The following PRKG1 variants were observed in gnomAD, a reference collection of about 807,000 sequenced individuals.
PRKG1 encodes protein kinase cGMP-dependent 1.
PRKG1 carries 35 observed loss-of-function variants against 88.1 expected under a neutral mutation model. The ratio of observed to expected loss-of-function variants is 0.40; its 90% CI spans 0.30 to 0.53. The LOEUF (loss-of-function observed/expected upper bound fraction) is 0.53, where lower values mean the gene tolerates loss of function less well. Ranked by LOEUF, PRKG1 falls within the 20% of genes least tolerant of loss-of-function variation. PRKG1 has a pLI of 0.59. For missense variants in PRKG1, 540 were observed against 839.8 expected, an observed-to-expected ratio of 0.64 and a Z score of 4.41; for synonymous variants, 303 against 292.5, an observed-to-expected ratio of 1.04 and a Z score of -0.37.
chr10:51,126,213 ATT>A (rs1845406114), intron 1 of PRKG1, among the ~76,000 whole-genome samples: 1 of 121,842 alleles, frequency 8.2e-6, no homozygotes, highest in Non-Finnish European at 1.6e-5. Context: ...ATTTATAATT[ATT>A]TATATATTTA....
chr10:51,788,475 C>A (rs909674107), intron 3 of PRKG1, among the ~76,000 whole-genome samples: 1 of 152,118 alleles, frequency 6.6e-6, no homozygotes, highest in African/African-American at 2.4e-5. Flanking sequence ...TAGAGAGCTC[C>A]TTTTCCTGGT....
chr10:51,524,036 A>C (rs574523334), intron 3 of PRKG1, among the ~76,000 whole-genome samples: 1 of 152,102 alleles, frequency 6.6e-6, no homozygotes, highest in East Asian at 1.9e-4. Context: ...GTGAGTTCTC[A>C]AGAGGTCTGG....
intron 7 of PRKG1, among the ~76,000 whole-genome samples, chr10:52,116,114 T>C (rs1205890979): frequency 6.6e-6 from 1 of 152,156 alleles, no homozygotes; most frequent in Middle Eastern, 3.2e-3. Context: ...CAGCCTGTGA[T>C]TGGCTGAAAG....
intron 5 of PRKG1, among the ~76,000 whole-genome samples, chr10:52,042,246 A>G (rs980031043): frequency 6.6e-6 from 1 of 152,208 alleles, no homozygotes; most frequent in Non-Finnish European, 1.5e-5. Context: ...ATATGGAACC[A>G]TGGAAGACCC....
intron 5 of PRKG1, among the ~76,000 whole-genome samples, chr10:51,952,250 G>A (rs956631034): frequency 1.3e-5 from 2 of 152,146 alleles, no homozygotes; most frequent in Non-Finnish European, 2.9e-5. Flanking sequence ...CTGCTTGCCC[G>A]ACCTACTAAA....
chr10:51,290,303 A>G (rs1206822689), intron 2 of PRKG1, among the ~76,000 whole-genome samples: 1 of 152,190 alleles, frequency 6.6e-6, no homozygotes, highest in Non-Finnish European at 1.5e-5. Context: ...ATAATATTTG[A>G]TACCATTAAA....
intron 5 of PRKG1, among the ~76,000 whole-genome samples, chr10:52,045,720 A>G (rs574398576): frequency 6.6e-6 from 1 of 152,064 alleles, no homozygotes; most frequent in African/African-American, 2.4e-5. Flanking sequence ...AGAAAAAAAA[A>G]CAATTTTTTG....
intron 9 of PRKG1, among the ~76,000 whole-genome samples, chr10:52,224,875 A>G (rs878971567): frequency 6.9e-6 from 1 of 144,992 alleles, no homozygotes. Flanking sequence ...TTCTTTATCC[A>G]CTCATTGATT....
At chr10:52,124,917 T>C (rs1046654410) in intron 7 of PRKG1, among the ~76,000 whole-genome samples, 1 of 152,172 alleles carries the variant, frequency 6.6e-6, no homozygotes, top group Non-Finnish European at 1.5e-5. Context: ...TCTTGTCCCC[T>C]TGGAAGGTCT....
At chr10:52,291,051 T>C (rs943890721) in intron 17 of PRKG1, among the ~76,000 whole-genome samples, 3 of 151,284 alleles carry the variant, frequency 2.0e-5, no homozygotes, top group Admixed American at 1.3e-4. Context: ...GTCTCCTGAG[T>C]AGCTGGGATT....
chr10:51,916,361 A>C (rs1182113506), intron 5 of PRKG1, among the ~76,000 whole-genome samples: 16 of 152,194 alleles, frequency 1.1e-4, no homozygotes, highest in Non-Finnish European at 2.9e-5. Flanking sequence ...ACAGTTTACA[A>C]ATGCCACGGC....
intron 5 of PRKG1, among the ~76,000 whole-genome samples, chr10:51,932,218 G>T (rs1842709330): frequency 6.8e-6 from 1 of 147,728 alleles, no homozygotes; most frequent in South Asian, 2.1e-4. Context: ...TTTAATTGAG[G>T]ACATTTTTAT....
chr10:52,209,658 A>G (rs776701896), intron 9 of PRKG1, among the ~76,000 whole-genome samples: 4 of 152,250 alleles, frequency 2.6e-5, no homozygotes, highest in Non-Finnish European at 5.9e-5. Context: ...CTTTACCAAA[A>G]CCGAAATCTT....
Position 51,681,423 on chromosome 10 carries a change from A to G in PRKG1, c.593-123162A>G, listed in dbSNP as rs1840845888. On this transcript the variant is annotated intron_variant, in intron 3 of 17. Transcript: ENST00000373980. Reference sequence around the variant, plus strand: ...AGAAATACAGTAGTCAGAAGTAAATATTATTCAAAACATGACTATTTCTAC... The same window carrying G: ...AGAAATACAGTAGTCAGAAGTAAATGTTATTCAAAACATGACTATTTCTAC... Among the ~76,000 whole-genome samples the G allele has an allele frequency of 2.0e-5, 3 of 152,200 alleles. No individual in the cohort carries two copies. In the South Asian group the frequency reaches 6.2e-4, roughly 31 times the overall value.
At chr10:52,140,403 T>C (rs920032224) in intron 8 of PRKG1, among the ~76,000 whole-genome samples, 1 of 152,050 alleles carries the variant, frequency 6.6e-6, no homozygotes, top group African/African-American at 2.4e-5. Context: ...CTTTACTCCA[T>C]CCCCTCAATT....
chr10:51,920,193 A>G (rs1842433304), intron 5 of PRKG1, among the ~76,000 whole-genome samples: 1 of 152,198 alleles, frequency 6.6e-6, no homozygotes, highest in Non-Finnish European at 1.5e-5. Context: ...AAGGACAGAA[A>G]GATCATGGGA....
In PRKG1 at chr10:51,337,965, A is replaced by T. The variant is rs953155721; in HGVS notation, c.479-129758A>T. Among the ~76,000 whole-genome samples, 7 of 152,196 alleles carry T rather than the reference A, an allele frequency of 4.6e-5. No individual in the cohort carries two copies. The South Asian group carries it at 1.5e-3, about 32-fold the overall frequency. On this transcript the variant is annotated intron_variant, in intron 2 of 17. Transcript: ENST00000373980. ...ACATGCATGTATATGTTCATTGCAG[A>T]ACTATTCACAATAGCAAAGACATGG...
chr10:51,130,001 A>G (rs1260559580), intron 1 of PRKG1, among the ~76,000 whole-genome samples: 5 of 151,970 alleles, frequency 3.3e-5, no homozygotes, highest in Admixed American at 6.6e-5. Context: ...TAGGGAAGAG[A>G]TGACTTCTGA....
chr10:51,786,353 G>A (rs550165551), intron 3 of PRKG1, among the ~76,000 whole-genome samples: 21 of 152,140 alleles, frequency 1.4e-4, no homozygotes, highest in African/African-American at 5.1e-4. Flanking sequence ...TTGGGGATGG[G>A]ACTCAATAAA....
Sources: gnomAD v4.1 joint callset for allele counts (sites outside exome capture counted in the v4.1 genomes callset) on GRCh38, gnomAD v4.1.1 for gene constraint, MANE v1.5 for transcripts, NCBI Gene and HGNC (gene_info 2026-07-23, HGNC 2026-07-21) for gene names.